Variants in BRWD3 observed in about 807,000 individuals in gnomAD.
BRWD3 encodes bromodomain and WD repeat-containing protein 3.
Under a neutral mutation model 149.7 loss-of-function variants are expected in BRWD3, and 10 were observed. That is an observed-to-expected ratio of 0.07 (90% CI 0.04 to 0.11). BRWD3 has a LOEUF of 0.11. BRWD3 is among the 10% of genes least tolerant of loss of function. The pLI, the probability that BRWD3 is intolerant of heterozygous loss-of-function variation, is 1.00. For missense variants in BRWD3, 940 were observed against 1,373.2 expected, an observed-to-expected ratio of 0.68 and a Z score of 4.99; for synonymous variants, 504 against 456.7, an observed-to-expected ratio of 1.10 and a Z score of -1.32.
chrX:80,807,361 C>T (rs1205060139), intron 4 of BRWD3, among the ~76,000 whole-genome samples: 3 of 111,980 alleles, frequency 2.7e-5, no homozygotes, highest in Non-Finnish European at 1.9e-5. Flanking sequence ...AATGTGGCCT[C>T]ACTGTTGTAA....
intron 24 of BRWD3, among the ~76,000 whole-genome samples, chrX:80,701,287 C>A (rs2072783424): frequency 9.1e-6 from 1 of 110,227 alleles, no homozygotes; most frequent in Non-Finnish European, 1.9e-5. Context: ...GTGGCTCACA[C>A]CTGTAATCCT....
intron 26 of BRWD3, among the ~76,000 whole-genome samples, chrX:80,696,471 T>A (rs1353475512): frequency 9.4e-6 from 1 of 105,994 alleles, no homozygotes; most frequent in Non-Finnish European, 1.9e-5. Context: ...TCAGAGAGGT[T>A]AAGTAACTTG....
intron 4 of BRWD3, 83 bp from the exon 5 acceptor site, chrX:80,793,855 A>G: frequency 1.0e-6 from 1 of 958,459 alleles, no homozygotes. Context: ...AAATTGTTCC[A>G]TTCATTATAG....
Position 80,669,757 on chromosome X carries a change from C to A in BRWD3, c.*6852G>T, listed in dbSNP as rs2072309269. Among the ~76,000 whole-genome samples, 1 of 110,686 alleles carries A rather than the reference C, an allele frequency of 9.0e-6. No homozygotes were observed. The highest frequency in any genetic ancestry group is 1.9e-5 in the Non-Finnish European group (1 of 52,788). ...GAATTGCAACATGACAAAAATCAAC[C>A]ACAAAAATCCTTAAAAATGAATAAG... On this transcript the variant is annotated 3_prime_UTR_variant, in exon 41 of 41. Coordinates refer to ENST00000373275, the MANE Select transcript of BRWD3 (RefSeq NM_153252.5).
intron 9 of BRWD3, 89 bp from the exon 10 acceptor site, chrX:80,735,286 A>C: frequency 1.4e-6 from 1 of 713,173 alleles, no homozygotes; most frequent in East Asian, 3.2e-5. Context: ...TGATCAATTT[A>C]GCATCAATAT....
At chrX:80,801,129 A>G (rs2147865997) in intron 4 of BRWD3, among the ~76,000 whole-genome samples, 1 of 109,911 alleles carries the variant, frequency 9.1e-6, no homozygotes, top group African/African-American at 3.3e-5. Context: ...TCATGCTTCT[A>G]AAAAAAGTTA....
intron 6 of BRWD3, among the ~76,000 whole-genome samples, chrX:80,761,968 A>G (rs1396251088): frequency 9.0e-6 from 1 of 111,624 alleles, no homozygotes; most frequent in African/African-American, 3.3e-5. Flanking sequence ...CAATATTTCT[A>G]CTCATTTACT....
rs368427489 is a variant in BRWD3 at position 80,682,021 on chromosome X, T to C, written c.4471A>G (p.Thr1491Ala). The change falls in exon 39 of 41, where the codon ACT (threonine) becomes GCT (alanine). Residue 1491 changes from threonine to alanine, a missense_variant. By Grantham distance (58) the Thr-to-Ala change is moderately conservative. Transcript: ENST00000373275. ...CCAGGAGATGAGAAAGGAGAGCTAG[T>C]CCTGGCATGAGATACTGAGGTATTC... ...DQNTSVSHAR[T>A]SSPFSSPVSD... 3 of 1,206,611 alleles carry C rather than the reference T, an allele frequency of 2.5e-6. No individual in the cohort carries two copies. In the African/African-American group the frequency reaches 5.3e-5, roughly 21 times the overall value.
In BRWD3 at chrX:80,809,698, A is replaced by T. The variant is rs1227283706; in HGVS notation, c.-227T>A. The T allele has an allele frequency of 5.7e-6, 2 of 351,803 alleles. No homozygotes were observed. Among genetic ancestry groups the T allele is most frequent in the Non-Finnish European group, 9.7e-6 (2 of 205,757 alleles). The allele number at this position is 351,803 out of a possible 1,213,427, so 29.0% of individuals were successfully genotyped here. On this transcript the variant is annotated 5_prime_UTR_variant, in exon 1 of 41. Coordinates refer to ENST00000373275, the MANE Select transcript of BRWD3 (RefSeq NM_153252.5). ...GGAGGAGGAAGGAGAGGAGAGGGAG[A>T]GGGAGAGAGAGAGTGAGTGAGTGAG...
Position 80,676,940 on chromosome X carries a change from C to G in BRWD3, c.5078G>C (p.Gly1693Ala). The change falls in exon 41 of 41, where the codon GGA becomes GCA. Residue 1693 changes from glycine to alanine, a missense_variant. Physicochemically the swap from Gly to Ala is moderately conservative, Grantham distance 60. Around this residue, in one of 6 missense-constraint regions of BRWD3, gnomAD observed 349 missense variants for 419.6 expected, o/e 0.83. Transcript: ENST00000373275. ...TCCACCTCTTCCTCGACTCCCTCGT[C>G]CCCTGCCTCCTCTTCCTCTGCCTCC... is the stretch of plus-strand genomic sequence containing the variant. ...SRGGRGRGGR[G>A]RGSRGRGGGG... 8.3e-7 allele frequency: 1 copy of G among 1,202,018 alleles called. No individual in the cohort carries two copies. Among genetic ancestry groups the G allele is most frequent in the Non-Finnish European group, 1.1e-6 (1 of 887,058 alleles).
In BRWD3 at chrX:80,738,589, G is replaced by A. The variant is rs766378366; in HGVS notation, c.814-2501C>T. On this transcript the variant is annotated intron_variant, in intron 8 of 40. Coordinates refer to ENST00000373275, the MANE Select transcript of BRWD3 (RefSeq NM_153252.5). The stretch of plus-strand genomic sequence containing the variant: ...TTACTACAGACAAAAAAATGAAACA[G>A]AAGGGAAGATACAGAGTTGCTGTGC... Among the ~76,000 whole-genome samples the A allele has an allele frequency of 1.9e-4, 21 of 108,288 alleles. 1 individual carries two copies. The South Asian group carries it at 8.7e-3, about 45-fold the overall frequency. The allele number at this position is 108,288 out of a possible 115,157, so 94.0% of individuals were successfully genotyped here.
At chrX:80,758,637 A>T (rs2073770449) in intron 6 of BRWD3, among the ~76,000 whole-genome samples, 1 of 110,260 alleles carries the variant, frequency 9.1e-6, no homozygotes, top group Non-Finnish European at 1.9e-5. Context: ...TCCAGGTTCT[A>T]CCCTTGGGAA....
chrX:80,796,584 T>A, intron 4 of BRWD3, among the ~76,000 whole-genome samples: 1 of 111,854 alleles, frequency 8.9e-6, no homozygotes, highest in East Asian at 2.8e-4. Flanking sequence ...TGATTATTTT[T>A]GTTTTAAATT....
chrX:80,772,768 G>A (rs1057334183), intron 6 of BRWD3, among the ~76,000 whole-genome samples: 30 of 111,394 alleles, frequency 2.7e-4, no homozygotes, highest in African/African-American at 1.6e-4. Flanking sequence ...GAAAGTTTGC[G>A]TTCACAAATA....
At chrX:80,679,426 C>T (rs2072414260) in intron 40 of BRWD3, among the ~76,000 whole-genome samples, 1 of 110,962 alleles carries the variant, frequency 9.0e-6, no homozygotes, top group African/African-American at 3.3e-5. Flanking sequence ...GATAAGCAAC[C>T]GAATATTTTT....
At chrX:80,752,849 G>T (rs985872753) in intron 6 of BRWD3, among the ~76,000 whole-genome samples, 1 of 110,781 alleles carries the variant, frequency 9.0e-6, no homozygotes, top group African/African-American at 3.3e-5. Flanking sequence ...ATTTTTAGTA[G>T]AGACAGGGTT....
rs1188518508 is a variant in BRWD3 at position 80,709,516 on chromosome X, G to A, written c.2387C>T (p.Thr796Ile). 12 of 1,210,043 alleles carry A rather than the reference G, an allele frequency of 9.9e-6. No individual in the cohort carries two copies. The highest frequency in any genetic ancestry group is 1.2e-5 in the Non-Finnish European group (11 of 894,112). ...LRRTQRKRQH[T>I]YQTRSNIEHN... ...CTCTATGTTGGACCGTGTTTGGTAA[G>A]TATGCTGACGTTTGCGCTGTGTCCT... is the stretch of plus-strand genomic sequence containing the variant. The change falls in exon 21 of 41, where the codon ACT becomes ATT. Residue 796 changes from threonine (T) to isoleucine (I), a missense_variant. This residue lies in a region of BRWD3 where 103 missense variants were observed against 103.2 expected (regional missense o/e 1.00). Coordinates refer to ENST00000373275, the MANE Select transcript of BRWD3 (RefSeq NM_153252.5).
At chrX:80,750,554 A>G (rs1453601183) in intron 6 of BRWD3, among the ~76,000 whole-genome samples, 1 of 111,483 alleles carries the variant, frequency 9.0e-6, no homozygotes, top group African/African-American at 3.3e-5. Context: ...TAGAATGGGT[A>G]TTATAAAAAA....
chrX:80,705,563 ATTT>A (rs1324913185), intron 22 of BRWD3, among the ~76,000 whole-genome samples: 1 of 111,669 alleles, frequency 9.0e-6, no homozygotes, highest in Non-Finnish European at 1.9e-5. Flanking sequence ...TCATTAGGTG[ATTT>A]TGTCATTGTG....
Sources: allele counts gnomAD v4.1 joint callset (sites outside exome capture counted in the v4.1 genomes callset), GRCh38; gene constraint gnomAD v4.1.1; regional missense constraint gnomAD v4.1.1; transcripts MANE v1.5; gene names NCBI Gene and HGNC (gene_info 2026-07-23, HGNC 2026-07-21).